The following DTNBP1 variants were observed in gnomAD, a reference collection of about 807,000 sequenced individuals.
DTNBP1 encodes the protein dystrobrevin binding protein 1, also known as dysbindin.
DTNBP1 carries 35 observed loss-of-function variants against 42.8 expected under a neutral mutation model. The observed-to-expected ratio is 0.82, with a 90% confidence interval of 0.63 to 1.09. DTNBP1 has a LOEUF of 1.09. DTNBP1 is among the 50% of genes least tolerant of loss of function. DTNBP1 has a pLI of 0.00. For synonymous variants in DTNBP1, 171 were observed against 162.2 expected (o/e 1.05, Z -0.41); for missense variants, 457 against 424.2 (o/e 1.08, Z -0.68).
chr6:15,661,667 G>GAGAGGGGA (rs1761642542), intron 1 of DTNBP1, among the ~76,000 whole-genome samples: 1 of 96,664 alleles, frequency 1.0e-5, no homozygotes, highest in African/African-American at 4.0e-5. Context: ...GGGTGGGGGG[G>GAGAGGGGA]AGAAATTTAA....
intron 3 of DTNBP1, among the ~76,000 whole-genome samples, chr6:15,650,535 G>T (rs1760929801): frequency 6.6e-6 from 1 of 152,106 alleles, no homozygotes; most frequent in African/African-American, 2.4e-5. Context: ...GCCTGCCTCA[G>T]CCTCCCAAAG....
At chr6:15,637,974 A>C (rs576601384) in intron 3 of DTNBP1, among the ~76,000 whole-genome samples, 170 bp from the exon 4 acceptor site, 2 of 152,320 alleles carry the variant, frequency 1.3e-5, no homozygotes, top group Non-Finnish European at 2.9e-5. Context: ...CAGTGGCCAA[A>C]TCTGTGACAA....
intron 7 of DTNBP1, among the ~76,000 whole-genome samples, chr6:15,576,721 A>G (rs542651346): frequency 7.6e-4 from 113 of 149,584 alleles, no homozygotes; most frequent in Non-Finnish European, 1.2e-3. Flanking sequence ...GTGAGCCGAG[A>G]TCACACCACT....
chr6:15,575,844 T>C (rs188390208), intron 7 of DTNBP1, among the ~76,000 whole-genome samples: 19 of 152,154 alleles, frequency 1.2e-4, no homozygotes, highest in Non-Finnish European at 1.0e-4. Context: ...AAACAGGAAA[T>C]AGCCCTGTGA....
chr6:15,631,586 C>T (rs577609183), intron 4 of DTNBP1, among the ~76,000 whole-genome samples: 1 of 152,138 alleles, frequency 6.6e-6, no homozygotes, highest in African/African-American at 2.4e-5. Context: ...AGATGGACTT[C>T]GGAACTGTCC....
chr6:15,607,402 A>G (rs1758135306), intron 6 of DTNBP1, among the ~76,000 whole-genome samples: 3 of 152,266 alleles, frequency 2.0e-5, no homozygotes, highest in Admixed American at 2.0e-4. Context: ...CCGGAGTTCA[A>G]GGGATTCTCC....
intron 1 of DTNBP1, among the ~76,000 whole-genome samples, chr6:15,660,203 A>G (rs947890371): frequency 2.6e-5 from 4 of 152,314 alleles, no homozygotes; most frequent in African/African-American, 9.6e-5. Context: ...TTAGTGATGC[A>G]GCTCACGTCT....
rs578021263 is a variant in DTNBP1, at chr6:15,546,105, G to T, written c.512-12710C>A. The T allele has an allele frequency of 1.6e-3, 610 of 375,434 alleles. 4 individuals are homozygous for T. Among genetic ancestry groups the T allele is most frequent in the South Asian group, 0.011 (598 of 55,784 alleles). The allele number at this position is 375,434 out of a possible 1,614,324, so 23.3% of individuals were successfully genotyped here. ...TTTTGAGACAGAGTCTTGCTCTGTT[G>T]CCCAGGCTGGAGTGCAATGGTGCGA... On this transcript the variant is annotated intron_variant, in intron 7 of 9. Transcript: ENST00000344537.
In DTNBP1 at chr6:15,570,878, C is replaced by T. The variant is rs561544779; in HGVS notation, c.511+22181G>A. On this transcript the variant is annotated intron_variant, in intron 7 of 9. Coordinates refer to ENST00000344537, the MANE Select transcript of DTNBP1 (RefSeq NM_032122.5). Reference sequence around the variant, plus strand: ...ATAAAGACCAATTCAAAACCACATACTTAGAAAATAAAAAATTAGTAAACT... The same window carrying T: ...ATAAAGACCAATTCAAAACCACATATTTAGAAAATAAAAAATTAGTAAACT... Among the ~76,000 whole-genome samples, 11 of 152,236 alleles carry T rather than the reference C, an allele frequency of 7.2e-5. No homozygotes were observed. The South Asian group carries it at 2.3e-3, about 32-fold the overall frequency.
intron 7 of DTNBP1, among the ~76,000 whole-genome samples, chr6:15,584,738 A>C (rs1402723539): frequency 7.1e-6 from 1 of 140,132 alleles, no homozygotes; most frequent in Non-Finnish European, 1.5e-5. Context: ...TCATTTACAG[A>C]GAAGTGGCTT....
intron 7 of DTNBP1, among the ~76,000 whole-genome samples, chr6:15,557,350 G>A (rs375901814): frequency 6.6e-6 from 1 of 151,170 alleles, no homozygotes; most frequent in Non-Finnish European, 1.5e-5. Context: ...GTTTGTGAAA[G>A]ACTAATCTTG....
At chr6:15,646,284 CACAT>C (rs1228971714) in intron 3 of DTNBP1, among the ~76,000 whole-genome samples, 7 of 139,182 alleles carry the variant, frequency 5.0e-5, no homozygotes, top group African/African-American at 1.9e-4. Context: ...CACACACACA[CACAT>C]ATACAATACC....
chr6:15,536,461 C>T (rs991057276), intron 7 of DTNBP1, among the ~76,000 whole-genome samples: 8 of 152,250 alleles, frequency 5.3e-5, no homozygotes, highest in Admixed American at 6.5e-5. Flanking sequence ...GGCCAAGGTA[C>T]AGCTTGGGCT....
intron 1 of DTNBP1, chr6:15,660,630 G>A: frequency 9.2e-7 from 1 of 1,087,350 alleles, no homozygotes; most frequent in Non-Finnish European, 1.2e-6. Flanking sequence ...AGTTTCCAAG[G>A]GGTTCTAACT....
Position 15,522,952 on chromosome 6 carries a change from C to A in DTNBP1, c.*23G>T. 6.2e-7 allele frequency: 1 copy of A among 1,614,230 alleles called. No homozygotes were observed. Among genetic ancestry groups the A allele is most frequent in the Non-Finnish European group, 8.5e-7 (1 of 1,180,050 alleles). On this transcript the variant is annotated 3_prime_UTR_variant, in exon 10 of 10. Transcript: ENST00000344537. Reference sequence around the variant, plus strand: ...CAGCCAAAACTGGATTCCAGTGTGGCCAGACAACGCCCATGTCCCAATTTA... The same window carrying A: ...CAGCCAAAACTGGATTCCAGTGTGGACAGACAACGCCCATGTCCCAATTTA...
intron 8 of DTNBP1, among the ~76,000 whole-genome samples, chr6:15,529,482 A>G (rs1772659363): frequency 6.6e-6 from 1 of 152,234 alleles, no homozygotes; most frequent in African/African-American, 2.4e-5. Flanking sequence ...TGTTAATTCT[A>G]TCTTTTCTAA....
intron 4 of DTNBP1, among the ~76,000 whole-genome samples, chr6:15,631,732 C>G (rs1759706954): frequency 6.6e-6 from 1 of 152,120 alleles, no homozygotes; most frequent in Non-Finnish European, 1.5e-5. Context: ...GTAATGAGAT[C>G]CCCCTCCCCA....
chr6:15,581,245 T>C (rs1237365450), intron 7 of DTNBP1, among the ~76,000 whole-genome samples: 2 of 152,212 alleles, frequency 1.3e-5, no homozygotes, highest in Admixed American at 1.3e-4. Flanking sequence ...AGTGGCTCCA[T>C]CTCGGCTCTC....
chr6:15,587,903 T>A lies in DTNBP1; in HGVS notation c.511+5156A>T, dbSNP rs989689624. 6.6e-6 allele frequency among the ~76,000 whole-genome samples: 1 copy of A among 152,180 alleles called. No individual in the cohort carries two copies. The highest frequency in any genetic ancestry group is 2.1e-4 in the South Asian group (1 of 4,826). On this transcript the variant is annotated intron_variant, in intron 7 of 9. Transcript: ENST00000344537. The surrounding 1 kb of genome is among the most constrained non-coding windows in gnomAD (Gnocchi z 4.1). ...CACTGCTGATAGGAACGTAAAATGGTACAGCCATTTTAGAAAACAGTTCAG... is the reference window on the plus strand; with the variant it reads ...CACTGCTGATAGGAACGTAAAATGGAACAGCCATTTTAGAAAACAGTTCAG...
Sources: allele counts gnomAD v4.1 joint callset (sites outside exome capture counted in the v4.1 genomes callset), GRCh38; gene constraint gnomAD v4.1.1; non-coding constraint Gnocchi (gnomAD v3.1); transcripts MANE v1.5; gene names NCBI Gene and HGNC (gene_info 2026-07-23, HGNC 2026-07-21).